Variants in CNBD1 observed in about 807,000 individuals in gnomAD.
The protein encoded by CNBD1 is cyclic nucleotide binding domain containing 1, also known as cyclic nucleotide-binding domain-containing protein 1.
CNBD1 carries 71 observed loss-of-function variants against 54.4 expected under a neutral mutation model. The ratio of observed to expected loss-of-function variants is 1.30; its 90% CI spans 1.08 to 1.59. CNBD1 has a LOEUF of 1.59. Ranked by LOEUF, CNBD1 falls within the 40% of genes most tolerant of loss-of-function variation. CNBD1 has a pLI of 0.00. For missense variants in CNBD1, 659 were observed against 518.0 expected (o/e 1.27, Z -2.64); for synonymous variants, 182 against 170.7 (o/e 1.07, Z -0.51).
At chr8:86,911,863 A>C (rs1223166523) in intron 3 of CNBD1, among the ~76,000 whole-genome samples, 1 of 152,196 alleles carries the variant, frequency 6.6e-6, no homozygotes, top group Non-Finnish European at 1.5e-5. Flanking sequence ...CCCATTTACA[A>C]TAGACACAAA....
At chr8:86,949,700 GC>G (rs1308229438) in intron 4 of CNBD1, among the ~76,000 whole-genome samples, 1 of 151,802 alleles carries the variant, frequency 6.6e-6, no homozygotes, top group Non-Finnish European at 1.5e-5. Flanking sequence ...CAGGTTAGAT[GC>G]CCTTTATTTT....
Position 86,982,979 on chromosome 8 carries a change from T to TA in CNBD1, c.431+43232dup, listed in dbSNP as rs1184241231. On this transcript the variant is annotated intron_variant, in intron 4 of 10. Coordinates refer to ENST00000518476, the MANE Select transcript of CNBD1 (RefSeq NM_173538.3). ...TATAACTTTAAAAGTATGAGTTTCT[T>TA]AAAAAAAGTAATTTTGACATTTATT... Among the ~76,000 whole-genome samples the TA allele has an allele frequency of 2.6e-5, 4 of 152,178 alleles. No homozygotes were observed. The East Asian group carries it at 5.8e-4, about 22-fold the overall frequency.
chr8:86,953,856 G>C (rs1477712935), intron 4 of CNBD1, among the ~76,000 whole-genome samples: 1 of 151,960 alleles, frequency 6.6e-6, no homozygotes, highest in Non-Finnish European at 1.5e-5. Flanking sequence ...GACAGAGCGA[G>C]ACTCTGTCTC....
intron 4 of CNBD1, among the ~76,000 whole-genome samples, chr8:87,067,278 A>G (rs1312441123): frequency 6.6e-6 from 1 of 151,984 alleles, no homozygotes; most frequent in African/African-American, 2.4e-5. Flanking sequence ...AGTTGGAGAA[A>G]GAATACAAAG....
At chr8:87,251,595 G>GAAAAAAAA (rs34264085) in intron 6 of CNBD1, among the ~76,000 whole-genome samples, 1 of 135,400 alleles carries the variant, frequency 7.4e-6, no homozygotes, top group Non-Finnish European at 1.6e-5. Context: ...TCTCAAAAAA[G>GAAAAAAAA]AAAAAAAAAA....
intron 4 of CNBD1, among the ~76,000 whole-genome samples, chr8:87,107,919 A>G (rs1273765036): frequency 2.0e-5 from 3 of 152,198 alleles, no homozygotes; most frequent in Non-Finnish European, 2.9e-5. Flanking sequence ...TTATCAATTC[A>G]TTTTAAACTG....
At chr8:87,189,342 A>G (rs1813549650) in intron 4 of CNBD1, among the ~76,000 whole-genome samples, 1 of 152,206 alleles carries the variant, frequency 6.6e-6, no homozygotes. Context: ...CATCGGAACT[A>G]TAAACATGTA....
chr8:87,190,889 A>ACATGTACCTG (rs1813593334), intron 4 of CNBD1, among the ~76,000 whole-genome samples: 1 of 138,968 alleles, frequency 7.2e-6, no homozygotes, highest in Non-Finnish European at 1.5e-5. Context: ...ACATGTACGT[A>ACATGTACCTG]TATCTATTTA....
chr8:86,866,489 C>T lies in CNBD1; in HGVS notation c.-7C>T, dbSNP rs1406008824. 1.2e-6 allele frequency: 2 copies of T among 1,606,864 alleles called. No homozygotes were observed. The highest frequency in any genetic ancestry group is 1.7e-5 in the Admixed American group (1 of 59,300). On this transcript the variant is annotated 5_prime_UTR_variant, in exon 1 of 11. Coordinates refer to ENST00000518476, the MANE Select transcript of CNBD1 (RefSeq NM_173538.3). ...TCTGGTCATCTATCTGCCTTTGAGC[C>T]ATCAAGATGCCGATGTCTTCTCTTC...
chr8:87,040,629 T>A (rs1810047851), intron 4 of CNBD1, among the ~76,000 whole-genome samples: 1 of 151,776 alleles, frequency 6.6e-6, no homozygotes, highest in Non-Finnish European at 1.5e-5. Context: ...TTTCATGGTG[T>A]TAGCCAGGAT....
chr8:87,358,591 A>G (rs1447569147), intron 10 of CNBD1, among the ~76,000 whole-genome samples: 1 of 152,210 alleles, frequency 6.6e-6, no homozygotes, highest in East Asian at 1.9e-4. Context: ...AATAGGATAT[A>G]TATAAATATA....
intron 4 of CNBD1, among the ~76,000 whole-genome samples, chr8:87,039,050 A>G (rs899663781): frequency 2.0e-5 from 3 of 152,056 alleles, no homozygotes; most frequent in Non-Finnish European, 4.4e-5. Context: ...ATTATCCATC[A>G]TCTTTTCATT....
At chr8:86,889,503 TAGAA>T (rs1336252985) in intron 2 of CNBD1, among the ~76,000 whole-genome samples, 2 of 152,130 alleles carry the variant, frequency 1.3e-5, no homozygotes, top group Admixed American at 6.6e-5. Context: ...ATAATAAAAA[TAGAA>T]AGGCTGAGAA....
intron 6 of CNBD1, among the ~76,000 whole-genome samples, chr8:87,272,734 G>T (rs1030092301): frequency 6.6e-6 from 1 of 151,926 alleles, no homozygotes; most frequent in Non-Finnish European, 1.5e-5. Flanking sequence ...TCAATAGCTA[G>T]TGAACATGTG....
intron 4 of CNBD1, among the ~76,000 whole-genome samples, chr8:86,955,893 G>A (rs1807754148): frequency 6.6e-6 from 1 of 152,188 alleles, no homozygotes; most frequent in South Asian, 2.1e-4. Context: ...TTTTAGTCAT[G>A]AAGTCCTTGC....
intron 4 of CNBD1, among the ~76,000 whole-genome samples, chr8:87,051,165 T>C (rs1053647852): frequency 6.6e-6 from 1 of 152,134 alleles, no homozygotes; most frequent in Non-Finnish European, 1.5e-5. Flanking sequence ...CAACTACAGC[T>C]GAGGGTCTGA....
intron 10 of CNBD1, among the ~76,000 whole-genome samples, chr8:87,364,014 A>G (rs1009845431): frequency 6.6e-6 from 1 of 151,364 alleles, no homozygotes; most frequent in Non-Finnish European, 1.5e-5. Context: ...CAAATCTTTG[A>G]CAACCATTTG....
rs182332851 is a variant in CNBD1, at chr8:87,302,290, A to G, written c.1042+15619A>G. ...CAGCACATCAAAAAGCTTATCCAAC[A>G]TGATCAAGTGGGCTTCATCGCTGGG... is the stretch of plus-strand genomic sequence containing the variant. On this transcript the variant is annotated intron_variant, in intron 8 of 10. Coordinates refer to ENST00000518476, the MANE Select transcript of CNBD1 (RefSeq NM_173538.3). Among the ~76,000 whole-genome samples, 9 of 152,348 alleles carry G rather than the reference A, an allele frequency of 5.9e-5. No individual in the cohort carries two copies. In the East Asian group the frequency reaches 1.2e-3, roughly 20 times the overall value.
chr8:87,313,855 AC>A (rs1809325971), intron 8 of CNBD1, among the ~76,000 whole-genome samples: 1 of 151,958 alleles, frequency 6.6e-6, no homozygotes, highest in South Asian at 2.1e-4. Context: ...CATGTCAGCA[AC>A]AAAAATAATT....
Sources: gnomAD v4.1 joint callset for allele counts (sites outside exome capture counted in the v4.1 genomes callset) on GRCh38, gnomAD v4.1.1 for gene constraint, MANE v1.5 for transcripts, NCBI Gene and HGNC (gene_info 2026-07-23, HGNC 2026-07-21) for gene names.